The following FAM199X variants were observed in gnomAD, a reference collection of about 807,000 sequenced individuals.
The protein encoded by FAM199X is family with sequence similarity 199, X-linked, also known as protein FAM199X.
In FAM199X, 4 loss-of-function variants were observed where a neutral mutation model predicts 22.9. The observed-to-expected ratio is 0.17, with a 90% CI of 0.09 to 0.40. FAM199X has a LOEUF of 0.40. FAM199X is among the 10% of genes least tolerant of loss of function. FAM199X has a pLI of 1.00. For missense variants in FAM199X, 183 were observed against 306.8 expected (o/e 0.60, Z 3.01); for synonymous variants, 101 against 112.3 (o/e 0.90, Z 0.64).
At chrX:104,180,143 A>AT (rs782621299) in intron 2 of FAM199X, among the ~76,000 whole-genome samples, 23 of 106,497 alleles carry the variant, frequency 2.2e-4, no homozygotes, top group East Asian at 8.8e-4. Context: ...ACAACCAGCT[A>AT]TTTTTTTTTA....
upstream of FAM199X, among the ~76,000 whole-genome samples, chrX:104,164,838 C>T (rs545735494): frequency 6.3e-5 from 7 of 111,218 alleles, no homozygotes; most frequent in South Asian, 2.6e-3. Flanking sequence ...CAAGATCGCC[C>T]CAATACACTC....
chrX:104,159,423 A>G, the FAM199X span, among the ~76,000 whole-genome samples: 1 of 112,533 alleles, frequency 8.9e-6, no homozygotes, highest in African/African-American at 3.2e-5. Flanking sequence ...TGCTAAGCAA[A>G]CTGGGTAGTT....
chrX:104,191,673 C>T lies in FAM199X; in HGVS notation c.*1895C>T, dbSNP rs782325799. The T allele has an allele frequency of 1.8e-5, 2 of 111,937 alleles. No homozygotes were observed. Among genetic ancestry groups the T allele is most frequent in the African/African-American group, 6.5e-5 (2 of 30,931 alleles). 9.2% of individuals were successfully genotyped at this position (111,937 alleles called of 1,213,427 possible). On this transcript the variant is annotated 3_prime_UTR_variant, in exon 6 of 6. Coordinates refer to ENST00000493442, the MANE Select transcript of FAM199X (RefSeq NM_207318.4). ...AAGCAAAATCCCACAGAATGATTGCCTGCTGTCTTTACCTATTCTTCAAGG... is the reference window on the plus strand; with the variant it reads ...AAGCAAAATCCCACAGAATGATTGCTTGCTGTCTTTACCTATTCTTCAAGG...
rs1004822214 is a variant in FAM199X at position 104,182,876 on chromosome X, A to G, written c.418-3190A>G. The stretch of plus-strand genomic sequence containing the variant: ...GTTACCACATTTAAACCACTCAACA[A>G]TCCTTCGAGATTGATGATATTGACC... On this transcript the variant is annotated intron_variant, in intron 2 of 5. Coordinates refer to ENST00000493442, the MANE Select transcript of FAM199X (RefSeq NM_207318.4). 2.7e-5 allele frequency among the ~76,000 whole-genome samples: 3 copies of G among 111,453 alleles called. No individual in the cohort carries two copies. The Admixed American group carries it at 2.9e-4, about 11-fold the overall frequency.
rs1602524556 is a variant in FAM199X, at chrX:104,192,885, C to T, written c.*3107C>T. Reference sequence around the variant, plus strand: ...AGCTTTTAAAAGTGCTAAATCCTCTCATAAAGGAAAAATTATAGGAAACTA... The same window carrying T: ...AGCTTTTAAAAGTGCTAAATCCTCTTATAAAGGAAAAATTATAGGAAACTA... On this transcript the variant is annotated 3_prime_UTR_variant, in exon 6 of 6. Transcript: ENST00000493442. 1 of 111,513 alleles carries T rather than the reference C, an allele frequency of 9.0e-6. No homozygotes were observed. Among genetic ancestry groups the T allele is most frequent in the East Asian group, 2.8e-4 (1 of 3,579 alleles). The allele number at this position is 111,513 out of a possible 1,213,427, so 9.2% of individuals were successfully genotyped here.
chrX:104,169,329 T>A (rs561945329), intron 1 of FAM199X, among the ~76,000 whole-genome samples: 1 of 112,350 alleles, frequency 8.9e-6, no homozygotes, highest in African/African-American at 3.2e-5. Context: ...CAAATTTTCA[T>A]TGGAAGTAGG....
intron 2 of FAM199X, among the ~76,000 whole-genome samples, chrX:104,179,990 T>C (rs782666578): frequency 1.9e-5 from 2 of 104,658 alleles, no homozygotes; most frequent in East Asian, 5.8e-4. Flanking sequence ...TTTTTTTTTT[T>C]TTTTTGAGAC....
At chrX:104,165,740 A>G (rs1399656694), upstream of FAM199X, among the ~76,000 whole-genome samples, 2 of 111,131 alleles carry the variant, frequency 1.8e-5, no homozygotes, top group Non-Finnish European at 3.8e-5. Context: ...ACACCTAACA[A>G]GTTGATTCAA....
At chrX:104,183,816 A>G (rs1226430999) in intron 2 of FAM199X, among the ~76,000 whole-genome samples, 1 of 112,395 alleles carries the variant, frequency 8.9e-6, no homozygotes, top group Non-Finnish European at 1.9e-5. Context: ...TCACTTATGT[A>G]CTTGGACTTG....
Position 104,191,644 on chromosome X carries a change from G to A in FAM199X, c.*1866G>A, listed in dbSNP as rs782672838. On this transcript the variant is annotated 3_prime_UTR_variant, in exon 6 of 6. Transcript: ENST00000493442. ...TATCTAAATTCTCTACCTGCTCTTA[G>A]CAAAAGCAAAATCCCACAGAATGAT... The A allele has an allele frequency of 2.7e-5, 3 of 111,619 alleles. No homozygotes were observed. In the Admixed American group the frequency reaches 2.9e-4, roughly 11 times the overall value. 9.2% of individuals were successfully genotyped at this position (111,619 alleles called of 1,213,427 possible). A position where few individuals can be genotyped will look rare whatever the true frequency, so the allele number is the denominator to read the frequency against.
chrX:104,178,249 C>T (rs1470408761), intron 2 of FAM199X, among the ~76,000 whole-genome samples: 2 of 110,994 alleles, frequency 1.8e-5, no homozygotes, highest in Non-Finnish European at 3.8e-5. Context: ...TCACTGCACC[C>T]TCTGCCTCCT....
At chrX:104,159,530 T>C in the FAM199X span, among the ~76,000 whole-genome samples, 1 of 112,834 alleles carries the variant, frequency 8.9e-6, no homozygotes, top group Non-Finnish European at 1.9e-5. Flanking sequence ...AGCAATGCTC[T>C]ACGTACATAA....
intron 5 of FAM199X, 143 bp from the exon 6 acceptor site, chrX:104,189,465 C>A (rs1169507144): frequency 3.4e-6 from 2 of 581,465 alleles, no homozygotes; most frequent in African/African-American, 4.6e-5. Flanking sequence ...GCCAGTGGCT[C>A]ACTTATTGGA....
rs1921209502 is a variant in FAM199X at position 104,166,862 on chromosome X, C to T, written c.77C>T (p.Pro26Leu). The T allele has an allele frequency of 8.3e-7, 1 of 1,206,921 alleles. No homozygotes were observed. Among genetic ancestry groups the T allele is most frequent in the East Asian group, 3.0e-5 (1 of 33,298 alleles). The part of the protein sequence containing the change: ...TPEEPFPLLG[P>L]PRGVGTCPSE... ...GAGGAGCCCTTCCCACTCCTGGGAC[C>T]TCCTCGCGGGGTGGGCACCTGCCCG... Residue 26 changes from proline (P) to leucine (L), a missense_variant, in exon 1 of 6, where the codon CCT (proline) becomes CTT (leucine). Transcript: ENST00000493442.
At chrX:104,161,421 T>A in the FAM199X span, among the ~76,000 whole-genome samples, 2 of 112,443 alleles carry the variant, frequency 1.8e-5, no homozygotes, top group Non-Finnish European at 3.8e-5. Flanking sequence ...TCTGTAACAA[T>A]GGCTAAACAA....
chrX:104,166,368 A>G (rs1921182187), upstream of FAM199X, among the ~76,000 whole-genome samples: 1 of 110,763 alleles, frequency 9.0e-6, no homozygotes, highest in African/African-American at 3.3e-5. Context: ...GCGGAGGTTC[A>G]GTTCCTCCTC....
chrX:104,180,835 A>G (rs1283864420), intron 2 of FAM199X, among the ~76,000 whole-genome samples: 1 of 112,438 alleles, frequency 8.9e-6, no homozygotes, highest in African/African-American at 3.2e-5. Flanking sequence ...ACATCTGTTT[A>G]AATCTTTCTT....
chrX:104,178,990 C>T (rs1380033196), intron 2 of FAM199X, among the ~76,000 whole-genome samples: 1 of 111,288 alleles, frequency 9.0e-6, no homozygotes, highest in Non-Finnish European at 1.9e-5. Context: ...ATTTACCAGG[C>T]GTGGTGGTGT....
chrX:104,185,062 ATTTTTT>A (rs782075983), intron 2 of FAM199X, among the ~76,000 whole-genome samples: 1 of 77,954 alleles, frequency 1.3e-5, no homozygotes, highest in Admixed American at 1.5e-4. Flanking sequence ...AGGCATGATA[ATTTTTT>A]TTTTTTTTTT....
Sources: gnomAD v4.1 joint callset for allele counts (sites outside exome capture counted in the v4.1 genomes callset) on GRCh38, gnomAD v4.1.1 for gene constraint, MANE v1.5 for transcripts, NCBI Gene and HGNC (gene_info 2026-07-23, HGNC 2026-07-21) for gene names.